The following THBS2 variants were observed in gnomAD, a reference collection of about 807,000 sequenced individuals.
THBS2 encodes the protein thrombospondin 2, also known as thrombospondin-2.
A neutral mutation model predicts 135.2 loss-of-function variants in THBS2; 47 were observed. The observed-to-expected ratio is 0.35, with a 90% CI of 0.28 to 0.44. The LOEUF (loss-of-function observed/expected upper bound fraction) is 0.44, where lower values mean the gene tolerates loss of function less well. Ranked by LOEUF, THBS2 falls within the 20% of genes least tolerant of loss-of-function variation. The pLI is 1.00. For synonymous variants in THBS2, 639 were observed against 633.8 expected, an observed-to-expected ratio of 1.01 and a Z score of -0.12; for missense variants, 1,288 against 1,603.1, an observed-to-expected ratio of 0.80 and a Z score of 3.36.
intron 4 of THBS2, among the ~76,000 whole-genome samples, chr6:169,245,038 T>A (rs1475043189): frequency 6.6e-6 from 1 of 152,254 alleles, no homozygotes; most frequent in Non-Finnish European, 1.5e-5. Context: ...AAATCTCACA[T>A]ATTCCTGATG....
intron 4 of THBS2, among the ~76,000 whole-genome samples, chr6:169,243,278 A>G (rs913457112): frequency 1.2e-4 from 19 of 152,086 alleles, no homozygotes; most frequent in African/African-American, 4.1e-4. Context: ...TATGGCATGT[A>G]ATTTACAAAT....
chr6:169,246,118 C>G, intron 4 of THBS2, 79 bp downstream of exon 4: 1 of 967,028 alleles, frequency 1.0e-6, no homozygotes, highest in Non-Finnish European at 1.6e-6. Flanking sequence ...CACACACATA[C>G]ACACACACAC....
At chr6:169,246,374 A>C (rs1030529429) in intron 3 of THBS2, 93 bp from the exon 4 acceptor site, 1 of 1,047,488 alleles carries the variant, frequency 9.5e-7, no homozygotes, top group East Asian at 2.4e-5. Flanking sequence ...ACAAGTTGGA[A>C]TCTTCAAGTA....
At chr6:169,225,010 G>A (rs1002921061) in intron 17 of THBS2, 135 bp downstream of exon 17, 2 of 837,784 alleles carry the variant, frequency 2.4e-6, no homozygotes, top group Non-Finnish European at 3.9e-6. Context: ...TGGACCCACA[G>A]CTTTAAGAGG....
chr6:169,223,506 C>G (rs756724195), intron 17 of THBS2, 31 bp from the exon 18 acceptor site: 21 of 1,598,890 alleles, frequency 1.3e-5, no homozygotes, highest in Non-Finnish European at 1.7e-5. Flanking sequence ...AAAACAAAAA[C>G]AAAAACAAAG....
intron 7 of THBS2, among the ~76,000 whole-genome samples, chr6:169,238,620 G>T (rs761531652): frequency 9.2e-5 from 14 of 152,168 alleles, no homozygotes; most frequent in Non-Finnish European, 1.5e-4. Context: ...TGAATTGTTG[G>T]TTTTAATTAT....
chr6:169,229,890 C>G (rs1002656351), intron 13 of THBS2, among the ~76,000 whole-genome samples: 5 of 152,120 alleles, frequency 3.3e-5, no homozygotes, highest in Non-Finnish European at 7.3e-5. Flanking sequence ...CACCACTACT[C>G]ACGAGGGAGA....
rs373754451 is a variant in THBS2 at position 169,252,770 on chromosome 6, C to G, written c.-23+954G>C. Among the ~76,000 whole-genome samples the G allele has an allele frequency of 6.6e-5, 10 of 152,310 alleles. No individual in the cohort carries two copies. In the East Asian group the frequency reaches 1.9e-3, roughly 29 times the overall value. ...CCAGCCTCTGCACGCCACACATCCA[C>G]GTTTATGCTTGTGTTTTTCCAAAAG... On this transcript the variant is annotated intron_variant, in intron 1 of 21. Transcript: ENST00000617924. The surrounding 1 kb of genome is among the most constrained non-coding windows in gnomAD (Gnocchi z 4.3).
Position 169,246,269 on chromosome 6 carries a change from T to C in THBS2, c.622A>G (p.Asn208Asp). ...RESHFRGLLQ[N>D]VHLVFENSVE... ...GAGTTTTCAAACACTAGGTGGACGT[T>C]CTGAAGCAAACCCTGTAAGTATACA... The change falls in exon 4 of 22, where the codon AAC becomes GAC. Residue 208 changes from asparagine (N) to aspartate (D), a missense_variant. This residue lies in a region of THBS2 where 414 missense variants were observed against 447.0 expected (regional missense o/e 0.93). Coordinates refer to ENST00000617924, the MANE Select transcript of THBS2 (RefSeq NM_003247.5). The C allele has an allele frequency of 6.2e-7, 1 of 1,613,892 alleles. No individual in the cohort carries two copies. Among genetic ancestry groups the C allele is most frequent in the Non-Finnish European group, 8.5e-7 (1 of 1,179,948 alleles).
chr6:169,241,736 C>T lies in THBS2; in HGVS notation c.891+26G>A, dbSNP rs373043827. On this transcript the variant is annotated intron_variant, in intron 5 of 21. Transcript: ENST00000617924. This position sits in a 1 kb window ranked among gnomAD's most constrained non-coding sequence, Gnocchi z 5.5. Reference sequence around the variant, plus strand: ...GCGGAGCTGCCCATGCCCTATGACCCCCGCGGCCCCTGCGTGAGTACCCAC... The same window carrying T: ...GCGGAGCTGCCCATGCCCTATGACCTCCGCGGCCCCTGCGTGAGTACCCAC... 122 of 1,582,232 alleles carry T rather than the reference C, an allele frequency of 7.7e-5. No individual in the cohort carries two copies. Among genetic ancestry groups the T allele is most frequent in the Non-Finnish European group, 1.0e-4 (120 of 1,158,480 alleles).
Position 169,234,792 on chromosome 6 carries a change from C to T in THBS2, c.1593G>A (p.Lys531=). 6.2e-7 allele frequency: 1 copy of T among 1,610,262 alleles called. No homozygotes were observed. Among genetic ancestry groups the T allele is most frequent in the Non-Finnish European group, 8.5e-7 (1 of 1,177,926 alleles). ...CNSPEPQYGG[K]ACVGDVQERQ... ...GCTCCTGCACATCCCCCACGCAGGC[C>T]TTCCCTCCGTACTGAGGCTCAGGGC... The change falls in exon 10 of 22, where the codon AAG becomes AAA. Residue 531 remains lysine (K), a synonymous_variant. Coordinates refer to ENST00000617924, the MANE Select transcript of THBS2 (RefSeq NM_003247.5).
At position 169,241,794 on chromosome 6, in the gene THBS2, C is replaced by T. The variant is rs141420844; in HGVS notation, c.859G>A (p.Val287Met). The change falls in exon 5 of 22, where the codon GTG (valine) becomes ATG (methionine). Residue 287 changes from valine to methionine, a missense_variant. Physicochemically the swap from Val to Met is conservative, Grantham distance 21 (BLOSUM62 1). Around this residue, in one of 2 missense-constraint regions of THBS2, gnomAD observed 414 missense variants for 447.0 expected, o/e 0.93. Transcript: ENST00000617924. The surrounding 1 kb of genome is among the most constrained non-coding windows in gnomAD (Gnocchi z 5.5). ...TTGAGGTTCTCGCTGAGCTGGTTCA[C>T]GAGGACGTGGAGCCCCGAGAGCTCC... ...VQELSGLHVL[V>M]NQLSENLKRV... 1,518 of 1,611,496 alleles carry T rather than the reference C, an allele frequency of 9.4e-4. 1 individual carries two copies. The highest frequency in any genetic ancestry group is 1.1e-3 in the Non-Finnish European group (1,320 of 1,178,904).
chr6:169,239,729 A>C, intron 6 of THBS2, 34 bp from the exon 7 acceptor site: 3 of 1,519,470 alleles, frequency 2.0e-6, no homozygotes, highest in Non-Finnish European at 2.7e-6. Flanking sequence ...TGGAACACTC[A>C]TTTAAAAGGA....
chr6:169,219,920 A>G, intron 21 of THBS2: 1 of 582,732 alleles, frequency 1.7e-6, no homozygotes, highest in Admixed American at 2.2e-5. Flanking sequence ...GAGGAAATCT[A>G]GGAAACTCTA....
In THBS2 at chr6:169,216,041, C is replaced by A. The variant is rs928200476; in HGVS notation, c.*1781G>T. 6.6e-6 allele frequency: 1 copy of A among 152,074 alleles called. No homozygotes were observed. The highest frequency in any genetic ancestry group is 2.1e-4 in the South Asian group (1 of 4,790). The allele number at this position is 152,074 out of a possible 1,614,324, so 9.4% of individuals were successfully genotyped here. ...ACTCCCACACCATTGTACGGTTGAC[C>A]CCACAACACAGAAACAGAAAACCTG... On this transcript the variant is annotated 3_prime_UTR_variant, in exon 22 of 22. Coordinates refer to ENST00000617924, the MANE Select transcript of THBS2 (RefSeq NM_003247.5).
In THBS2 at chr6:169,221,666, T is replaced by G. The variant is rs73238292; in HGVS notation, c.3274-139A>C. On this transcript the variant is annotated intron_variant, in intron 19 of 21. Transcript: ENST00000617924. ...CATGGTGCTCCATATCTCTCTGATG[T>G]GTTTATCATCCAAATCTCTACTGTG... 7.9e-3 allele frequency: 5,690 copies of G among 721,676 alleles called. 194 individuals carry two copies. In the African/African-American group the frequency reaches 0.082, roughly 10 times the overall value. The allele number at this position is 721,676 out of a possible 1,614,324, so 44.7% of individuals were successfully genotyped here.
intron 20 of THBS2, among the ~76,000 whole-genome samples, chr6:169,220,819 G>A (rs1250452268): frequency 1.3e-5 from 2 of 152,148 alleles, no homozygotes. Flanking sequence ...CTAGGGAAAC[G>A]TTCCAGCGAG....
Position 169,241,912 on chromosome 6 carries a change from A to C in THBS2, c.741T>G (p.Gly247=). ...ISENTETLRL[G]PHVTTEYVGP... is the part of the protein sequence containing the mutation. ...CCACGTACTCGGTGGTGACATGCGG[A>C]CCCAGGCGCAGCGTCTCTGTGTTCT... is the stretch of plus-strand genomic sequence containing the variant. Residue 247 remains glycine (G), a synonymous_variant, in exon 5 of 22, where the codon GGT becomes GGG. Coordinates refer to ENST00000617924, the MANE Select transcript of THBS2 (RefSeq NM_003247.5). This position sits in a 1 kb window ranked among gnomAD's most constrained non-coding sequence, Gnocchi z 5.5. The C allele has an allele frequency of 6.2e-7, 1 of 1,611,776 alleles. No individual in the cohort carries two copies. Among genetic ancestry groups the C allele is most frequent in the Non-Finnish European group, 8.5e-7 (1 of 1,179,836 alleles).
At chr6:169,233,079 G>A (rs779933362) in intron 10 of THBS2, 62 bp from the exon 11 acceptor site, 3 of 1,440,696 alleles carry the variant, frequency 2.1e-6, no homozygotes, top group Non-Finnish European at 2.7e-6. Flanking sequence ...AAGGAAGCCC[G>A]CCCTGTGGGC....
Sources: gnomAD v4.1 joint callset for allele counts (sites outside exome capture counted in the v4.1 genomes callset) on GRCh38, gnomAD v4.1.1 for gene constraint, gnomAD v4.1.1 regional missense constraint, Gnocchi (gnomAD v3.1) non-coding constraint, MANE v1.5 for transcripts, NCBI Gene and HGNC (gene_info 2026-07-23, HGNC 2026-07-21) for gene names.